The following MLLT10 variants were observed in gnomAD, a reference collection of about 807,000 sequenced individuals.
The protein encoded by MLLT10 is protein AF-10.
Under a neutral mutation model 129.1 loss-of-function variants are expected in MLLT10, and 30 were observed. The ratio of observed to expected loss-of-function variants is 0.23; its 90% CI spans 0.17 to 0.32. The LOEUF (loss-of-function observed/expected upper bound fraction) is 0.32, where lower values mean the gene tolerates loss of function less well. Among genes scored for constraint, MLLT10 ranks in the 10% least tolerant of loss-of-function variants. The pLI is 1.00. For synonymous variants in MLLT10, 490 were observed against 446.4 expected, an observed-to-expected ratio of 1.10 and a Z score of -1.23; for missense variants, 1,119 against 1,268.3, an observed-to-expected ratio of 0.88 and a Z score of 1.79.
rs1027543089 is a variant in MLLT10, at chr10:21,564,505, T to A, written c.241-21789T>A. 16 of 152,146 alleles carry A rather than the reference T, an allele frequency of 1.1e-4. 1 individual carries two copies. The highest frequency in any genetic ancestry group is 3.9e-4 in the African/African-American group (16 of 41,414). The allele number at this position is 152,146 out of a possible 1,614,324, so 9.4% of individuals were successfully genotyped here. A position where few individuals can be genotyped will look rare whatever the true frequency, so the allele number is the denominator to read the frequency against. On this transcript the variant is annotated intron_variant, in intron 3 of 22. Coordinates refer to ENST00000307729, the MANE Select transcript of MLLT10 (RefSeq NM_001195626.3). Reference sequence around the variant, plus strand: ...GAACACTTTAAGAATTTGCGTGTCATTACTGTTCAGGGAGCATGCTAATCT... The same window carrying A: ...GAACACTTTAAGAATTTGCGTGTCAATACTGTTCAGGGAGCATGCTAATCT...
chr10:21,626,681 A>G (rs553260330), intron 8 of MLLT10, among the ~76,000 whole-genome samples: 8 of 152,316 alleles, frequency 5.3e-5, no homozygotes, highest in Admixed American at 2.6e-4. Context: ...GAGCTAGACT[A>G]CTTTCTTCTG....
chr10:21,684,974 A>G (rs1422424777), intron 13 of MLLT10, among the ~76,000 whole-genome samples: 2 of 151,950 alleles, frequency 1.3e-5, no homozygotes, highest in African/African-American at 2.4e-5. Flanking sequence ...GTGTAGTTGC[A>G]TTTACTTCCT....
intron 13 of MLLT10, among the ~76,000 whole-genome samples, chr10:21,705,828 T>TA: frequency 6.6e-6 from 1 of 152,312 alleles, no homozygotes; most frequent in Non-Finnish European, 1.5e-5. Flanking sequence ...GGATACAGCA[T>TA]AAGCATCCTC....
intron 13 of MLLT10, among the ~76,000 whole-genome samples, chr10:21,692,231 T>C (rs1404696984): frequency 6.6e-6 from 1 of 151,826 alleles, no homozygotes; most frequent in Non-Finnish European, 1.5e-5. Context: ...TAAGGAAATG[T>C]ACAAAATATG....
At chr10:21,540,226 C>T (rs987104050) in intron 3 of MLLT10, among the ~76,000 whole-genome samples, 1 of 151,932 alleles carries the variant, frequency 6.6e-6, no homozygotes, top group East Asian at 1.9e-4. Flanking sequence ...CCTATCTCTG[C>T]TAAAAATACA....
At chr10:21,700,353 C>T (rs1304849559) in intron 13 of MLLT10, among the ~76,000 whole-genome samples, 1 of 152,006 alleles carries the variant, frequency 6.6e-6, no homozygotes, top group Non-Finnish European at 1.5e-5. Flanking sequence ...ACTTGGATGC[C>T]TGTTATTTCT....
At chr10:21,699,593 A>G (rs2054701967) in intron 13 of MLLT10, among the ~76,000 whole-genome samples, 1 of 152,048 alleles carries the variant, frequency 6.6e-6, no homozygotes, top group Admixed American at 6.5e-5. Context: ...TTTTGCATAC[A>G]GATATCCAAT....
At chr10:21,603,101 G>A (rs1189214080) in intron 5 of MLLT10, among the ~76,000 whole-genome samples, 3 of 150,412 alleles carry the variant, frequency 2.0e-5, no homozygotes, top group East Asian at 3.9e-4. Flanking sequence ...TTCCCAGGCT[G>A]AAATGCAGTG....
chr10:21,681,485 AG>A (rs2052732292), intron 12 of MLLT10, 109 bp downstream of exon 12: 2 of 714,250 alleles, frequency 2.8e-6, no homozygotes, highest in Non-Finnish European at 4.7e-6. Context: ...CCAAAATGCA[AG>A]TTTTTCTTAA....
At position 21,624,973 on chromosome 10, in the gene MLLT10, C is replaced by T. The variant is rs1266970000; in HGVS notation, c.699+7766C>T. 10 of 1,229,132 alleles carry T rather than the reference C, an allele frequency of 8.1e-6. No individual in the cohort carries two copies. The East Asian group carries it at 2.1e-4, about 26-fold the overall frequency. 76.1% of individuals were successfully genotyped at this position (1,229,132 alleles called of 1,614,324 possible). ...CTTGGTGGTGGTGAAGCACCCTGCC[C>T]TCCCCTTCCTCCTCTTCCTCTTACT... On this transcript the variant is annotated intron_variant, in intron 8 of 22. Transcript: ENST00000307729.
chr10:21,583,123 T>C (rs546167852), intron 3 of MLLT10, among the ~76,000 whole-genome samples: 6 of 152,254 alleles, frequency 3.9e-5, no homozygotes, highest in East Asian at 1.9e-4. Flanking sequence ...TGAGCCGAGA[T>C]TGAGCCACTG....
rs765843703 is a variant in MLLT10, at chr10:21,733,781, G to A, written c.2510G>A (p.Ser837Asn). Residue 837 changes from serine (S) to asparagine (N), a missense_variant, in exon 20 of 23, where the codon AGT becomes AAT. Ser to Asn is a conservative substitution (Grantham distance 46, BLOSUM62 1). This residue lies in a region of MLLT10 where 1,004 missense variants were observed against 1,008.7 expected (regional missense o/e 1.00). Coordinates refer to ENST00000307729, the MANE Select transcript of MLLT10 (RefSeq NM_001195626.3). ...LPVLNQDLTS[S>N]GQSTSSSSAL... ...TTCTTACGCTAGGACTTAACCTCCA[G>A]TGGACAAAGTACCAGCAGCTCATCA... 6.2e-7 allele frequency: 1 copy of A among 1,612,418 alleles called. No homozygotes were observed. The highest frequency in any genetic ancestry group is 1.3e-5 in the African/African-American group (1 of 74,880).
chr10:21,556,198 G>A (rs1430041697), intron 3 of MLLT10, among the ~76,000 whole-genome samples: 1 of 151,976 alleles, frequency 6.6e-6, no homozygotes, highest in Non-Finnish European at 1.5e-5. Context: ...CTGGTCTCAG[G>A]GTGGTCCGCC....
rs2051307441 is a variant in MLLT10 at position 21,670,723 on chromosome 10, T to C, written c.1051+19T>C. ...CCTCAAGGTATTAGTGATGTTTTAGTTAAAATACTTGTGTTTAAGATGGTT... is the reference window on the plus strand; with the variant it reads ...CCTCAAGGTATTAGTGATGTTTTAGCTAAAATACTTGTGTTTAAGATGGTT... On this transcript the variant is annotated intron_variant, in intron 10 of 22. Coordinates refer to ENST00000307729, the MANE Select transcript of MLLT10 (RefSeq NM_001195626.3). The C allele has an allele frequency of 1.9e-6, 3 of 1,597,394 alleles. No homozygotes were observed. Among genetic ancestry groups the C allele is most frequent in the Non-Finnish European group, 2.6e-6 (3 of 1,173,720 alleles).
At chr10:21,648,129 A>G (rs534874375) in intron 8 of MLLT10, among the ~76,000 whole-genome samples, 6 of 152,084 alleles carry the variant, frequency 3.9e-5, no homozygotes, top group South Asian at 2.1e-4. Context: ...CTAAATTTTC[A>G]TATATAATTG....
At chr10:21,627,970 T>G (rs1233170731) in intron 8 of MLLT10, among the ~76,000 whole-genome samples, 2 of 152,238 alleles carry the variant, frequency 1.3e-5, no homozygotes, top group Non-Finnish European at 2.9e-5. Context: ...GCCTAAACTT[T>G]CAGTTACTAA....
intron 8 of MLLT10, among the ~76,000 whole-genome samples, chr10:21,650,309 C>T (rs1320726762): frequency 6.6e-6 from 1 of 152,142 alleles, no homozygotes; most frequent in Admixed American, 6.6e-5. Flanking sequence ...TGTGATCGTA[C>T]CACTGCACTC....
intron 9 of MLLT10, 112 bp downstream of exon 9, chr10:21,651,880 T>A: frequency 2.5e-6 from 1 of 396,470 alleles, no homozygotes; most frequent in Admixed American, 3.9e-5. Context: ...CAACCACATA[T>A]CAGGCACTTA....
chr10:21,576,469 T>C (rs1341089482), intron 3 of MLLT10, among the ~76,000 whole-genome samples: 3 of 149,748 alleles, frequency 2.0e-5, no homozygotes, highest in African/African-American at 7.4e-5. Flanking sequence ...CTCGATCTCC[T>C]ACCTTGTGAT....
Sources: allele counts gnomAD v4.1 joint callset (sites outside exome capture counted in the v4.1 genomes callset), GRCh38; gene constraint gnomAD v4.1.1; regional missense constraint gnomAD v4.1.1; transcripts MANE v1.5; gene names NCBI Gene and HGNC (gene_info 2026-07-23, HGNC 2026-07-21).